TENM4: variants seen among roughly 807,000 people sequenced by gnomAD.
The protein encoded by TENM4 is teneurin-4.
TENM4 carries 82 observed loss-of-function variants against 243.3 expected under a neutral mutation model. That is an observed-to-expected ratio of 0.34 (90% CI 0.28 to 0.40). TENM4 has a LOEUF of 0.40. Among genes scored for constraint, TENM4 ranks in the 10% least tolerant of loss-of-function variants. The pLI, the probability that TENM4 is intolerant of heterozygous loss-of-function variation, is 1.00. For synonymous variants in TENM4, 1,412 were observed against 1,456.3 expected (o/e 0.97, Z 0.69); for missense variants, 3,138 against 3,673.3 (o/e 0.85, Z 3.77).
At chr11:78,721,272 G>T (rs989555479) in intron 24 of TENM4, among the ~76,000 whole-genome samples, 1 of 152,238 alleles carries the variant, frequency 6.6e-6, no homozygotes, top group African/African-American at 2.4e-5. Flanking sequence ...TTCCCCTGGT[G>T]GTCCTCTTCT....
intron 18 of TENM4, among the ~76,000 whole-genome samples, chr11:78,768,138 C>G (rs1302442710): frequency 1.3e-5 from 2 of 152,264 alleles, no homozygotes; most frequent in Non-Finnish European, 2.9e-5. Context: ...ACAGTCCACT[C>G]TCTATGGTTG....
At chr11:78,829,799 G>A (rs1038519270) in intron 12 of TENM4, among the ~76,000 whole-genome samples, 1 of 152,162 alleles carries the variant, frequency 6.6e-6, no homozygotes, top group Non-Finnish European at 1.5e-5. Flanking sequence ...CCTTCTGTGT[G>A]GGTTAGTTTC....
chr11:79,089,077 G>T (rs1022691260), intron 4 of TENM4, among the ~76,000 whole-genome samples: 1 of 152,212 alleles, frequency 6.6e-6, no homozygotes, highest in Non-Finnish European at 1.5e-5. Context: ...TCTTCCTCCA[G>T]CTCTGGCCAG....
chr11:78,727,531 A>C (rs1462908165), intron 22 of TENM4, among the ~76,000 whole-genome samples: 1 of 152,114 alleles, frequency 6.6e-6, no homozygotes, highest in African/African-American at 2.4e-5. Flanking sequence ...TCCATTTTTC[A>C]AATTTTTATT....
In TENM4 at chr11:78,801,214, G is replaced by A. The variant is rs568421396; in HGVS notation, c.2179+4078C>T. 7.9e-5 allele frequency among the ~76,000 whole-genome samples: 12 copies of A among 152,224 alleles called. 1 individual carries two copies. The East Asian group carries it at 2.1e-3, about 27-fold the overall frequency. ...AGGTAAGCTGAGTCACTTAGGGCCA[G>A]TCATTCCCCGCTTCCAACTCTTTTC... On this transcript the variant is annotated intron_variant, in intron 15 of 33. Coordinates refer to ENST00000278550, the MANE Select transcript of TENM4 (RefSeq NM_001098816.3).
At chr11:79,387,162 C>G (rs1221298150) in intron 1 of TENM4, among the ~76,000 whole-genome samples, 1 of 152,184 alleles carries the variant, frequency 6.6e-6, no homozygotes, top group Non-Finnish European at 1.5e-5. Context: ...AGTATATGCT[C>G]TGTGACTCCA....
At chr11:79,401,346 C>T (rs1290445534) in intron 1 of TENM4, among the ~76,000 whole-genome samples, 2 of 152,206 alleles carry the variant, frequency 1.3e-5, no homozygotes, top group Admixed American at 1.3e-4. Context: ...GAACACAGTG[C>T]AACAAGTTCC....
chr11:78,705,586 G>C (rs1433767602), intron 27 of TENM4, among the ~76,000 whole-genome samples: 1 of 152,234 alleles, frequency 6.6e-6, no homozygotes, highest in Non-Finnish European at 1.5e-5. Flanking sequence ...TATGGTTCCA[G>C]TGTGGAATGG....
At chr11:79,146,728 C>A (rs1862401527) in intron 4 of TENM4, among the ~76,000 whole-genome samples, 1 of 152,106 alleles carries the variant, frequency 6.6e-6, no homozygotes, top group South Asian at 2.1e-4. Flanking sequence ...GAGATACATC[C>A]TATGCTGCAT....
chr11:78,711,449 C>T (rs1312280585), intron 26 of TENM4, among the ~76,000 whole-genome samples: 2 of 152,180 alleles, frequency 1.3e-5, no homozygotes, highest in African/African-American at 4.8e-5. Context: ...CTGTAGATGA[C>T]AAAGTCTGAA....
chr11:79,374,298 A>G (rs965309449), intron 1 of TENM4, among the ~76,000 whole-genome samples: 2 of 152,128 alleles, frequency 1.3e-5, no homozygotes, highest in African/African-American at 4.8e-5. Flanking sequence ...GGGTGTGGGG[A>G]GGACATCTGT....
chr11:79,028,414 G>A (rs1859138761), intron 6 of TENM4, among the ~76,000 whole-genome samples: 1 of 152,226 alleles, frequency 6.6e-6, no homozygotes, highest in African/African-American at 2.4e-5. Flanking sequence ...AGGGAGAAAA[G>A]CAGAACTGGG....
intron 2 of TENM4, among the ~76,000 whole-genome samples, chr11:79,286,759 A>G (rs1371616985): frequency 6.6e-6 from 1 of 152,212 alleles, no homozygotes; most frequent in East Asian, 1.9e-4. Context: ...TGAAGCAGGT[A>G]CTCATCATTC....
intron 19 of TENM4, among the ~76,000 whole-genome samples, chr11:78,745,314 C>A (rs1316560962): frequency 7.3e-5 from 11 of 150,994 alleles, no homozygotes. Flanking sequence ...GGAACCTCCA[C>A]CTACTGGGTT....
intron 22 of TENM4, among the ~76,000 whole-genome samples, chr11:78,727,940 C>T (rs12293176): frequency 1.4e-3 from 218 of 152,324 alleles, no homozygotes; most frequent in African/African-American, 4.9e-3. Context: ...TTTATGGCAA[C>T]GGGGGAATGG....
intron 1 of TENM4, among the ~76,000 whole-genome samples, chr11:79,339,406 T>C (rs534914452): frequency 1.3e-5 from 2 of 152,218 alleles, no homozygotes; most frequent in Non-Finnish European, 2.9e-5. Context: ...TTGAAAAGTA[T>C]CACACTGCAC....
intron 25 of TENM4, among the ~76,000 whole-genome samples, chr11:78,714,690 CCTCCCATCCTCCCTACA>C (rs1859483417): frequency 6.6e-6 from 1 of 152,116 alleles, no homozygotes; most frequent in African/African-American, 2.4e-5. Flanking sequence ...TCCTCCCTCC[CCTCCCATCCTCCCTACA>C]CCTGGCCACA....
intron 1 of TENM4, among the ~76,000 whole-genome samples, chr11:79,311,097 C>T (rs900501410): frequency 4.6e-5 from 7 of 152,056 alleles, no homozygotes; most frequent in African/African-American, 1.2e-4. Context: ...CGGGTCTTGG[C>T]GAATGTCGTA....
chr11:79,403,117 T>C (rs1858495366), intron 1 of TENM4, among the ~76,000 whole-genome samples: 1 of 152,232 alleles, frequency 6.6e-6, no homozygotes, highest in Admixed American at 6.5e-5. Flanking sequence ...CCACATGACA[T>C]GCTGTCAATA....
Sources: gnomAD v4.1 joint callset for allele counts (sites outside exome capture counted in the v4.1 genomes callset) on GRCh38, gnomAD v4.1.1 for gene constraint, MANE v1.5 for transcripts, NCBI Gene and HGNC (gene_info 2026-07-23, HGNC 2026-07-21) for gene names.